GPR65: variants seen among roughly 807,000 people sequenced by gnomAD.
GPR65 encodes G protein-coupled receptor 65, also known as T-cell death-associated gene 8 protein.
GPR65 carries 2 observed loss-of-function variants against 0.7 expected under a neutral mutation model. The ratio of observed to expected loss-of-function variants is 2.83; its 90% CI spans 1.16 to 8.92. GPR65 has a LOEUF of 8.92. GPR65 is among the 30% of genes most tolerant of loss of function. GPR65 has a pLI of 0.04. For synonymous variants in GPR65, 128 were observed against 146.5 expected (o/e 0.87, Z 0.91); for missense variants, 379 against 399.4 (o/e 0.95, Z 0.43).
rs1407634191 is a variant in GPR65 at position 88,010,383 on chromosome 14, TTAC to T, written c.-459-5_-459-3del. On this transcript the variant is annotated splice_region_variant and splice_polypyrimidine_tract_variant and intron_variant, in intron 1 of 1. Coordinates refer to ENST00000267549, the MANE Select transcript of GPR65 (RefSeq NM_003608.4). ...CTAAACAATTTTAATTCATCTTTCATTACAGAAGGAAAGGAATTTTAAAAGGAA... is the reference window on the plus strand; with the variant it reads ...CTAAACAATTTTAATTCATCTTTCATAGAAGGAAAGGAATTTTAAAAGGAA... The T allele has an allele frequency of 6.4e-6, 1 of 155,664 alleles. No individual in the cohort carries two copies. Among genetic ancestry groups the T allele is most frequent in the African/African-American group, 2.4e-5 (1 of 41,478 alleles). The allele number at this position is 155,664 out of a possible 1,614,324, so 9.6% of individuals were successfully genotyped here.
At chr14:88,009,234 G>C (rs567505042) in intron 1 of GPR65, among the ~76,000 whole-genome samples, 2 of 151,938 alleles carry the variant, frequency 1.3e-5, no homozygotes, top group East Asian at 3.9e-4. Context: ...CCAGAGCTCC[G>C]GCGCTCACTC....
chr14:88,011,624 A>G lies in GPR65; in HGVS notation c.777A>G (p.Glu259=), dbSNP rs1046028021. Residue 259 remains glutamate, a synonymous_variant, in exon 2 of 2, where the codon GAA becomes GAG. Transcript: ENST00000267549. ...RCILEHAVNF[E]DHSNSGKRTY... ...TTTTAGAGCATGCTGTGAACTTCGA[A>G]GACCACAGCAATTCTGGGAAGCGAA... 6.2e-7 allele frequency: 1 copy of G among 1,614,108 alleles called. No individual in the cohort carries two copies.
rs1887709670 is a variant in GPR65, at chr14:88,012,936, A to G, written c.*1075A>G. The stretch of plus-strand genomic sequence containing the variant: ...TTTTATTTTGATCTCTTTTTAATTT[A>G]TAACTGGGTATAACATAGCTGAAAT... On this transcript the variant is annotated 3_prime_UTR_variant, in exon 2 of 2. Transcript: ENST00000267549. 6.6e-6 allele frequency: 1 copy of G among 152,196 alleles called. No individual in the cohort carries two copies. The highest frequency in any genetic ancestry group is 6.5e-5 in the Admixed American group (1 of 15,278). 9.4% of individuals were successfully genotyped at this position (152,196 alleles called of 1,614,324 possible).
rs758802356 is a variant in GPR65 at position 88,011,593 on chromosome 14, G to C, written c.746G>C (p.Arg249Pro). 4 of 1,614,030 alleles carry C rather than the reference G, an allele frequency of 2.5e-6. No individual in the cohort carries two copies. In the South Asian group the frequency reaches 4.4e-5, roughly 18 times the overall value. Reference sequence around the variant, plus strand: ...CCCTTTCATGTGATGTTGCTGATTCGCTGCATTTTAGAGCATGCTGTGAAC... The same window carrying C: ...CCCTTTCATGTGATGTTGCTGATTCCCTGCATTTTAGAGCATGCTGTGAAC... ...FTPFHVMLLI[R>P]CILEHAVNFE... Residue 249 changes from arginine (R) to proline (P), a missense_variant, in exon 2 of 2, where the codon CGC becomes CCC. Arg to Pro is a moderately radical substitution (Grantham distance 103). Transcript: ENST00000267549.
At chr14:88,009,591 G>T (rs535018053) in intron 1 of GPR65, among the ~76,000 whole-genome samples, 2 of 152,200 alleles carry the variant, frequency 1.3e-5, no homozygotes, top group South Asian at 4.1e-4. Flanking sequence ...TCAGCCACCA[G>T]TAGGCCTCAG....
At position 88,011,767 on chromosome 14, in the gene GPR65, T is replaced by A; in HGVS notation, c.920T>A (p.Phe307Tyr). 6.2e-7 allele frequency: 1 copy of A among 1,612,266 alleles called. No homozygotes were observed. Among genetic ancestry groups the A allele is most frequent in the Non-Finnish European group, 8.5e-7 (1 of 1,178,450 alleles). Residue 307 changes from phenylalanine to tyrosine, a missense_variant, in exon 2 of 2, where the codon TTC becomes TAC. Phe to Tyr is a conservative substitution (Grantham distance 22). Coordinates refer to ENST00000267549, the MANE Select transcript of GPR65 (RefSeq NM_003608.4). ...TATGATATGTGGAATATATTAAAAT[T>A]CTGCACTGGGAGGTGTAATACATCA... Reference protein sequence around the residue: ...GRYDMWNILKFCTGRCNTSQR... With the variant: ...GRYDMWNILKYCTGRCNTSQR...
At chr14:88,008,919 T>C (rs1169038684) in intron 1 of GPR65, among the ~76,000 whole-genome samples, 1 of 152,156 alleles carries the variant, frequency 6.6e-6, no homozygotes, top group African/African-American at 2.4e-5. Context: ...GACCCAGACC[T>C]AGTTTCCAAG....
At chr14:88,009,542 A>G (rs1056410068) in intron 1 of GPR65, among the ~76,000 whole-genome samples, 4 of 152,154 alleles carry the variant, frequency 2.6e-5, no homozygotes, top group African/African-American at 9.7e-5. Context: ...TAGTGTTTCT[A>G]GAAAGCTTTC....
At chr14:88,007,042 T>C (rs75703795) in intron 1 of GPR65, among the ~76,000 whole-genome samples, 1 of 152,114 alleles carries the variant, frequency 6.6e-6, no homozygotes, top group Non-Finnish European at 1.5e-5. Flanking sequence ...AATCTTCTGC[T>C]GTCTGTTATC....
In GPR65 at chr14:88,011,276, C is replaced by T; in HGVS notation, c.429C>T (p.Thr143=). Residue 143 remains threonine, a synonymous_variant, in exon 2 of 2, where the codon ACC becomes ACT. Transcript: ENST00000267549. ...MVSLSIWILE[T]IFNAVMLWED... is the part of the protein sequence containing the mutation. Reference sequence around the variant, plus strand: ...GCCTGTCCATCTGGATATTGGAAACCATCTTCAATGCTGTCATGTTGTGGG... The same window carrying T: ...GCCTGTCCATCTGGATATTGGAAACTATCTTCAATGCTGTCATGTTGTGGG... 1.2e-6 allele frequency: 2 copies of T among 1,613,752 alleles called. No individual in the cohort carries two copies. Among genetic ancestry groups the T allele is most frequent in the South Asian group, 1.1e-5 (1 of 91,078 alleles).
At position 88,010,540 on chromosome 14, in the gene GPR65, T is replaced by A. The variant is rs1887659214; in HGVS notation, c.-308T>A. 1 of 287,904 alleles carries A rather than the reference T, an allele frequency of 3.5e-6. No homozygotes were observed. The allele number at this position is 287,904 out of a possible 1,614,324, so 17.8% of individuals were successfully genotyped here. A position where few individuals can be genotyped will look rare whatever the true frequency, so the allele number is the denominator to read the frequency against. ...TTACAAATGCCTCAGTTGATGCTTG[T>A]GGGCTGTTTGTCAGCGTTCTGTGAT... On this transcript the variant is annotated 5_prime_UTR_variant, in exon 2 of 2. An upstream open reading frame in the 5' UTR gains an earlier in-frame stop. Transcript: ENST00000267549.
Position 88,013,352 on chromosome 14 carries a change from A to T in GPR65, c.*1491A>T, listed in dbSNP as rs1194926626. On this transcript the variant is annotated 3_prime_UTR_variant, in exon 2 of 2. Transcript: ENST00000267549. ...AGGCGTGAGCCACCATGCCTGGCAA[A>T]GAGAGTCTTGATACAACATATTCTT... 6.6e-6 allele frequency: 1 copy of T among 152,196 alleles called. No homozygotes were observed. The highest frequency in any genetic ancestry group is 1.5e-5 in the Non-Finnish European group (1 of 68,048). 9.4% of individuals were successfully genotyped at this position (152,196 alleles called of 1,614,324 possible).
intron 1 of GPR65, among the ~76,000 whole-genome samples, chr14:88,008,893 T>C (rs572658427): frequency 1.3e-5 from 2 of 152,240 alleles, no homozygotes; most frequent in South Asian, 4.1e-4. Context: ...GTTTGCAGGA[T>C]CAAACTAATA....
chr14:88,005,994 T>C (rs892497580), intron 1 of GPR65, among the ~76,000 whole-genome samples: 1 of 152,220 alleles, frequency 6.6e-6, no homozygotes, highest in Non-Finnish European at 1.5e-5. Flanking sequence ...TGAAAAGATA[T>C]GTGAATACTG....
rs764452295 is a variant in GPR65, at chr14:88,007,784, C to CTGTG, written c.-460+2566_-460+2569dup. ...GACACGTAGTTGCTTATTATTCTCT[C>CTGTG]TGTGTGTATGTGTGTGTGTGTGTGT... On this transcript the variant is annotated intron_variant, in intron 1 of 1. Coordinates refer to ENST00000267549, the MANE Select transcript of GPR65 (RefSeq NM_003608.4). Among the ~76,000 whole-genome samples, 381 of 114,058 alleles carry CTGTG rather than the reference C, an allele frequency of 3.3e-3. 2 individuals are homozygous for CTGTG. The highest frequency in any genetic ancestry group is 0.01 in the Admixed American group (105 of 10,302). The allele number at this position is 114,058 out of a possible 152,430, so 74.8% of individuals were successfully genotyped here.
In GPR65 at chr14:88,011,913, C is replaced by T; in HGVS notation, c.*52C>T. On this transcript the variant is annotated 3_prime_UTR_variant, in exon 2 of 2. Coordinates refer to ENST00000267549, the MANE Select transcript of GPR65 (RefSeq NM_003608.4). ...AAGTTTAAGTTATGCATTATTATAT[C>T]ATCAAGATTACATTTTGAAAAGGAA... The T allele has an allele frequency of 7.8e-7, 1 of 1,286,142 alleles. No homozygotes were observed. The highest frequency in any genetic ancestry group is 1.1e-6 in the Non-Finnish European group (1 of 926,302). 79.7% of individuals were successfully genotyped at this position (1,286,142 alleles called of 1,614,324 possible). A position where few individuals can be genotyped will look rare whatever the true frequency, so the allele number is the denominator to read the frequency against.
Position 88,014,461 on chromosome 14 carries a change from C to G in GPR65, c.*2600C>G, listed in dbSNP as rs566167351. Reference sequence around the variant, plus strand: ...TTTCTAATTTATTGTTAGATCTCAGCACTTAAAAAATTACATCTTGTATTT... The same window carrying G: ...TTTCTAATTTATTGTTAGATCTCAGGACTTAAAAAATTACATCTTGTATTT... On this transcript the variant is annotated 3_prime_UTR_variant, in exon 2 of 2. Coordinates refer to ENST00000267549, the MANE Select transcript of GPR65 (RefSeq NM_003608.4). The G allele has an allele frequency of 3.9e-5, 6 of 152,260 alleles. No homozygotes were observed. In the East Asian group the frequency reaches 9.6e-4, roughly 24 times the overall value. The allele number at this position is 152,260 out of a possible 1,614,324, so 9.4% of individuals were successfully genotyped here.
At chr14:88,007,798 G>GTGTC (rs1887617661) in intron 1 of GPR65, among the ~76,000 whole-genome samples, 1 of 150,530 alleles carries the variant, frequency 6.6e-6, no homozygotes, top group Admixed American at 6.6e-5. Context: ...GTGTATGTGT[G>GTGTC]TGTGTGTGTG....
Position 88,011,544 on chromosome 14 carries a change from G to GT in GPR65, c.699dup (p.Thr234TyrfsTer40). 1 of 1,613,788 alleles carries GT rather than the reference G, an allele frequency of 6.2e-7. No individual in the cohort carries two copies. Among genetic ancestry groups the GT allele is most frequent in the Non-Finnish European group, 8.5e-7 (1 of 1,179,760 alleles). ...CATAAAACTACTTGTCAGCATCACA[G>GT]TTACTTTTGTCTTATGCTTTACTCC... On this transcript the variant is annotated frameshift_variant, in exon 2 of 2. Transcript: ENST00000267549. LOFTEE classifies it low-confidence loss of function (END_TRUNC).
Sources: allele counts gnomAD v4.1 joint callset (sites outside exome capture counted in the v4.1 genomes callset), GRCh38; gene constraint gnomAD v4.1.1; transcripts MANE v1.5; gene names NCBI Gene and HGNC (gene_info 2026-07-23, HGNC 2026-07-21).